Variants in COL4A2 observed in about 807,000 individuals in gnomAD.
The protein encoded by COL4A2 is collagen alpha-2(IV) chain.
Under a neutral mutation model 200.2 loss-of-function variants are expected in COL4A2, and 99 were observed. That is an observed-to-expected ratio of 0.49 (90% CI 0.42 to 0.58). The LOEUF (loss-of-function observed/expected upper bound fraction) is 0.58, where lower values mean the gene tolerates loss of function less well. COL4A2 is among the 20% of genes least tolerant of loss of function. COL4A2 has a pLI of 0.00. For missense variants in COL4A2, 1,950 were observed against 2,314.1 expected (o/e 0.84, Z 3.23); for synonymous variants, 897 against 900.6 (o/e 1.00, Z 0.07).
At chr13:110,430,650 G>A (rs754183214) in intron 10 of COL4A2, 43 bp downstream of exon 10, 73 of 1,613,366 alleles carry the variant, frequency 4.5e-5, no homozygotes, top group South Asian at 8.8e-5. Context: ...ACCATCGTCC[G>A]GTCATCCCTT....
intron 3 of COL4A2, 144 bp from the exon 4 acceptor site, chr13:110,357,328 C>A: frequency 7.7e-7 from 1 of 1,293,558 alleles, no homozygotes; most frequent in Non-Finnish European, 1.0e-6. Flanking sequence ...AAAAATTAGT[C>A]TATTTTTTTA....
At chr13:110,464,642 C>A (rs558248451) in intron 24 of COL4A2, among the ~76,000 whole-genome samples, 1 of 152,194 alleles carries the variant, frequency 6.6e-6, no homozygotes, top group Non-Finnish European at 1.5e-5. Context: ...GCTGTGGTGT[C>A]AGTGGAGAGC....
intron 38 of COL4A2, among the ~76,000 whole-genome samples, chr13:110,492,850 G>C (rs1188629411): frequency 1.3e-5 from 2 of 152,206 alleles, no homozygotes; most frequent in Non-Finnish European, 2.9e-5. Flanking sequence ...ACATAAGAGT[G>C]CTTAGTTTAC....
At chr13:110,389,009 T>C (rs1878882481) in intron 4 of COL4A2, among the ~76,000 whole-genome samples, 1 of 152,196 alleles carries the variant, frequency 6.6e-6, no homozygotes, top group Non-Finnish European at 1.5e-5. Flanking sequence ...TGTGACAGAT[T>C]TTCCACCTCA....
chr13:110,330,408 G>C (rs990130487), intron 3 of COL4A2, among the ~76,000 whole-genome samples: 10 of 151,956 alleles, frequency 6.6e-5, no homozygotes, highest in African/African-American at 1.2e-4. Context: ...GGGTGGAGGC[G>C]GGGGGGCAGC....
At chr13:110,330,773 T>C (rs1382178434) in intron 3 of COL4A2, among the ~76,000 whole-genome samples, 1 of 152,150 alleles carries the variant, frequency 6.6e-6, no homozygotes, top group Non-Finnish European at 1.5e-5. Flanking sequence ...TAGATACTTT[T>C]TGCTGAGAGC....
At chr13:110,493,185 A>G in intron 38 of COL4A2, 26 bp from the exon 39 acceptor site, 1 of 1,613,146 alleles carries the variant, frequency 6.2e-7, no homozygotes, top group Non-Finnish European at 8.5e-7. Flanking sequence ...AGGTGAAATA[A>G]ATAACGATGA....
At chr13:110,370,212 G>GGA (rs1877942196) in intron 4 of COL4A2, among the ~76,000 whole-genome samples, 2 of 148,492 alleles carry the variant, frequency 1.3e-5, no homozygotes, top group South Asian at 4.3e-4. Context: ...CCAAAAAAAA[G>GGA]AAAAAAAAAA....
chr13:110,492,019 A>G (rs1594106406), intron 37 of COL4A2, 51 bp from the exon 38 acceptor site: 2 of 1,494,540 alleles, frequency 1.3e-6, no homozygotes, highest in East Asian at 2.5e-5. Flanking sequence ...CTCACCACAC[A>G]GCGCCCAAGG....
intron 28 of COL4A2, among the ~76,000 whole-genome samples, chr13:110,470,923 T>C (rs1421598888): frequency 6.6e-6 from 1 of 152,148 alleles, no homozygotes; most frequent in Non-Finnish European, 1.5e-5. Flanking sequence ...TTTTGCAAAA[T>C]TGGGAAGCAG....
At chr13:110,340,253 AT>A (rs1876389615) in intron 3 of COL4A2, among the ~76,000 whole-genome samples, 1 of 152,060 alleles carries the variant, frequency 6.6e-6, no homozygotes, top group Admixed American at 6.5e-5. Flanking sequence ...GGTAGCTGAG[AT>A]TATAGGTGCA....
chr13:110,320,689 A>T (rs1263655623), intron 3 of COL4A2, among the ~76,000 whole-genome samples: 1 of 152,238 alleles, frequency 6.6e-6, no homozygotes, highest in Middle Eastern at 3.2e-3. Context: ...AGCGTCTCAA[A>T]GAAAATAAGT....
At chr13:110,458,254 G>A (rs1881855926) in intron 21 of COL4A2, 1 of 398,434 alleles carries the variant, frequency 2.5e-6, no homozygotes, top group Non-Finnish European at 5.1e-6. Flanking sequence ...CGCCAGCATG[G>A]TGCTGCCTTG....
chr13:110,368,923 A>G (rs1877878119), intron 4 of COL4A2, among the ~76,000 whole-genome samples: 1 of 152,010 alleles, frequency 6.6e-6, no homozygotes, highest in South Asian at 2.1e-4. Flanking sequence ...AAATAATACA[A>G]TTAGGCCAGG....
At chr13:110,345,164 T>G (rs999103386) in intron 3 of COL4A2, among the ~76,000 whole-genome samples, 8 of 152,288 alleles carry the variant, frequency 5.3e-5, no homozygotes, top group Admixed American at 3.9e-4. Context: ...TGAGTTGGTC[T>G]TGACTACACT....
intron 4 of COL4A2, among the ~76,000 whole-genome samples, chr13:110,415,767 G>A (rs1020440273): frequency 2.0e-5 from 3 of 152,200 alleles, no homozygotes; most frequent in Non-Finnish European, 4.4e-5. Flanking sequence ...CCGGGAGCCC[G>A]CCTTTGGAAG....
chr13:110,385,720 T>C (rs371352425), intron 4 of COL4A2, among the ~76,000 whole-genome samples: 2 of 81,882 alleles, frequency 2.4e-5, no homozygotes, highest in Non-Finnish European at 5.3e-5. Context: ...GTGGTTACAG[T>C]GTGTGGATAG....
chr13:110,314,515 C>T lies in COL4A2; in HGVS notation c.99+6392C>T, dbSNP rs115796284. Among the ~76,000 whole-genome samples, 476 of 152,280 alleles carry T rather than the reference C, an allele frequency of 3.1e-3. 7 individuals are homozygous for T. Among genetic ancestry groups the T allele is most frequent in the African/African-American group, 0.011 (456 of 41,556 alleles). ...AGTAAAAGGATTTTTGTCCCCTGGCCGTGGGTGGAGTCATTTGTGAAGACG... is the reference window on the plus strand; with the variant it reads ...AGTAAAAGGATTTTTGTCCCCTGGCTGTGGGTGGAGTCATTTGTGAAGACG... On this transcript the variant is annotated intron_variant, in intron 3 of 47. Coordinates refer to ENST00000360467, the MANE Select transcript of COL4A2 (RefSeq NM_001846.4).
chr13:110,461,895 G>C (rs1290617703), intron 22 of COL4A2: 1 of 615,856 alleles, frequency 1.6e-6, no homozygotes, highest in Admixed American at 3.0e-5. Flanking sequence ...CCCACCATCC[G>C]CAGTTCCAGT....
Sources: allele counts gnomAD v4.1 joint callset (sites outside exome capture counted in the v4.1 genomes callset), GRCh38; gene constraint gnomAD v4.1.1; transcripts MANE v1.5; gene names NCBI Gene and HGNC (gene_info 2026-07-23, HGNC 2026-07-21).